Variants in RAB38 observed in about 807,000 individuals in gnomAD.
The protein encoded by RAB38 is RAB38, member RAS oncogene family, also known as ras-related protein Rab-38.
Under a neutral mutation model 18.4 loss-of-function variants are expected in RAB38, and 15 were observed. The ratio of observed to expected loss-of-function variants is 0.82; its 90% CI spans 0.55 to 1.26. The LOEUF (loss-of-function observed/expected upper bound fraction) is 1.26. Among genes scored for constraint, RAB38 ranks in the 50% most tolerant of loss-of-function variants. The pLI is 0.00. For synonymous variants in RAB38, 101 were observed against 104.4 expected, an observed-to-expected ratio of 0.97 and a Z score of 0.20; for missense variants, 294 against 267.4, an observed-to-expected ratio of 1.10 and a Z score of -0.69.
intron 1 of RAB38, chr11:88,167,126 T>G (rs1943254951): frequency 6.6e-6 from 1 of 152,260 alleles, no homozygotes; most frequent in South Asian, 2.1e-4. Context: ...GTCTCATGGT[T>G]TCAACAGACA....
At chr11:88,175,101 G>C (rs1483501125) in intron 1 of RAB38, 82 bp downstream of exon 1, 6 of 1,407,926 alleles carry the variant, frequency 4.3e-6, no homozygotes, top group Non-Finnish European at 4.7e-6. Context: ...TTAATCTCAC[G>C]CTTGGCCGCA....
the RAB38 span, among the ~76,000 whole-genome samples, chr11:87,804,241 C>G: frequency 7.9e-5 from 12 of 152,282 alleles, no homozygotes; most frequent in East Asian, 2.1e-3. Flanking sequence ...CTTTCTACCT[C>G]TCTCCAATGA....
the RAB38 span, among the ~76,000 whole-genome samples, chr11:88,066,717 T>G: frequency 6.6e-6 from 1 of 152,164 alleles, no homozygotes; most frequent in Non-Finnish European, 1.5e-5. Flanking sequence ...TTTTCCTCTC[T>G]AAAAACTAGA....
At chr11:87,873,209 G>T in the RAB38 span, among the ~76,000 whole-genome samples, 29 of 151,598 alleles carry the variant, frequency 1.9e-4, 1 homozygote, top group South Asian at 6.0e-3. Context: ...ATGATGTTGA[G>T]CATCTTTTCA....
chr11:87,829,235 G>C, the RAB38 span, among the ~76,000 whole-genome samples: 1 of 152,192 alleles, frequency 6.6e-6, no homozygotes, highest in Admixed American at 6.5e-5. Context: ...TGGGTAGTAT[G>C]ATCACCACCT....
the RAB38 span, among the ~76,000 whole-genome samples, chr11:88,056,686 C>G: frequency 6.6e-6 from 1 of 151,924 alleles, no homozygotes. Flanking sequence ...CGCCTGTAGT[C>G]CCAGCTACTC....
chr11:88,086,109 C>A, the RAB38 span, among the ~76,000 whole-genome samples: 1 of 151,800 alleles, frequency 6.6e-6, no homozygotes, highest in African/African-American at 2.4e-5. Flanking sequence ...TCTTGTAAGG[C>A]TATTGTGAAG....
At chr11:87,807,752 G>A in the RAB38 span, among the ~76,000 whole-genome samples, 8 of 152,140 alleles carry the variant, frequency 5.3e-5, no homozygotes, top group Non-Finnish European at 8.8e-5. Context: ...AAGGTGTGAC[G>A]AAGACCTTTG....
chr11:88,145,884 T>C (rs916300875), intron 2 of RAB38, among the ~76,000 whole-genome samples: 2 of 152,130 alleles, frequency 1.3e-5, no homozygotes, highest in African/African-American at 4.8e-5. Flanking sequence ...ATGGGACACA[T>C]GATTACCCCA....
At chr11:87,907,695 GA>G in the RAB38 span, among the ~76,000 whole-genome samples, 1 of 151,212 alleles carries the variant, frequency 6.6e-6, no homozygotes, top group Non-Finnish European at 1.5e-5. Context: ...TTTAAAATTA[GA>G]ACTGAATAAT....
the RAB38 span, among the ~76,000 whole-genome samples, chr11:87,832,118 T>G: frequency 6.6e-6 from 1 of 152,228 alleles, no homozygotes; most frequent in African/African-American, 2.4e-5. Context: ...CTGCCTCATT[T>G]TTGCAGTAAA....
the RAB38 span, among the ~76,000 whole-genome samples, chr11:87,956,356 C>CA: frequency 0.094 from 14,326 of 152,114 alleles, 836 homozygotes; most frequent in East Asian, 0.16. Context: ...GTGAGAAGAA[C>CA]AAAAATATCC....
the RAB38 span, among the ~76,000 whole-genome samples, chr11:88,064,032 A>G: frequency 1.3e-5 from 2 of 152,218 alleles, no homozygotes; most frequent in Non-Finnish European, 2.9e-5. Flanking sequence ...GTGTTCGACC[A>G]TTGTAAATGT....
chr11:87,917,947 A>AAT, the RAB38 span: 1 of 152,060 alleles, frequency 6.6e-6, no homozygotes, highest in East Asian at 1.9e-4. Flanking sequence ...AAAACAATAG[A>AAT]AATTACACCA....
the RAB38 span, among the ~76,000 whole-genome samples, chr11:87,943,645 C>T: frequency 6.6e-6 from 1 of 152,030 alleles, no homozygotes; most frequent in Admixed American, 6.6e-5. Flanking sequence ...ATTCACCATA[C>T]TTAGGGGATT....
the RAB38 span, among the ~76,000 whole-genome samples, chr11:87,908,467 T>C: frequency 6.6e-6 from 1 of 152,018 alleles, no homozygotes; most frequent in African/African-American, 2.4e-5. Flanking sequence ...AGCAGAATTC[T>C]AATTCCATTA....
chr11:87,955,672 A>G, the RAB38 span, among the ~76,000 whole-genome samples: 137 of 142,108 alleles, frequency 9.6e-4, 1 homozygote, highest in Non-Finnish European at 1.4e-3. Flanking sequence ...TCAATCATCT[A>G]TCTATCAATC....
chr11:87,840,218 A>G, the RAB38 span, among the ~76,000 whole-genome samples: 15 of 152,204 alleles, frequency 9.9e-5, no homozygotes, highest in Non-Finnish European at 1.9e-4. Context: ...ATGAAAATTA[A>G]TGTCACTGCC....
At chr11:88,131,712 G>A (rs1942769661) in intron 2 of RAB38, among the ~76,000 whole-genome samples, 1 of 152,156 alleles carries the variant, frequency 6.6e-6, no homozygotes, top group Non-Finnish European at 1.5e-5. Flanking sequence ...TAATATGACA[G>A]ACAGAATTCT....
Sources: gnomAD v4.1 joint callset for allele counts (sites outside exome capture counted in the v4.1 genomes callset) on GRCh38, gnomAD v4.1.1 for gene constraint, MANE v1.5 for transcripts, NCBI Gene and HGNC (gene_info 2026-07-23, HGNC 2026-07-21) for gene names.